The following XDH variants were observed in gnomAD, a reference collection of about 807,000 sequenced individuals.
XDH encodes the protein xanthine dehydrogenase, also known as xanthine dehydrogenase/oxidase.
Under a neutral mutation model 156.1 loss-of-function variants are expected in XDH, and 138 were observed. The observed-to-expected ratio is 0.88, with a 90% CI of 0.77 to 1.02. XDH has a LOEUF of 1.02. Among genes scored for constraint, XDH ranks in the 50% least tolerant of loss-of-function variants. The probability of loss-of-function intolerance (pLI) is 0.00; values close to 1 mark genes in which losing one functional copy is unlikely to be tolerated. For synonymous variants in XDH, 669 were observed against 625.7 expected (o/e 1.07, Z -1.03); for missense variants, 1,849 against 1,684.9 (o/e 1.10, Z -1.71).
intron 20 of XDH, 69 bp from the exon 21 acceptor site, chr2:31,367,063 G>C: frequency 5.0e-6 from 8 of 1,612,410 alleles, no homozygotes; most frequent in Non-Finnish European, 5.1e-6. Flanking sequence ...CCTAAGGAGA[G>C]AGTATACTCT....
chr2:31,388,388 G>T, intron 6 of XDH, 93 bp from the exon 7 acceptor site: 3 of 1,395,388 alleles, frequency 2.1e-6, no homozygotes, highest in Non-Finnish European at 3.0e-6. Flanking sequence ...GAACACTCCA[G>T]CTCTGACGCC....
intron 24 of XDH, among the ~76,000 whole-genome samples, chr2:31,362,203 A>G (rs1333168558): frequency 6.6e-6 from 1 of 152,168 alleles, no homozygotes; most frequent in Non-Finnish European, 1.5e-5. Context: ...TGAAGGTGCT[A>G]TGTTCGAGGC....
chr2:31,408,036 T>C (rs1413968751), intron 1 of XDH, among the ~76,000 whole-genome samples: 2 of 152,256 alleles, frequency 1.3e-5, no homozygotes, highest in South Asian at 2.1e-4. Flanking sequence ...ATCACATCAG[T>C]TCCCTGCTCA....
intron 1 of XDH, 99 bp from the exon 2 acceptor site, chr2:31,406,063 G>C (rs570244929): frequency 2.2e-6 from 3 of 1,345,188 alleles, no homozygotes; most frequent in South Asian, 2.4e-5. Context: ...AATTTGTAGA[G>C]TTAGTAGGAA....
intron 6 of XDH, among the ~76,000 whole-genome samples, chr2:31,388,863 C>T (rs925347311): frequency 6.6e-6 from 1 of 152,226 alleles, no homozygotes; most frequent in Non-Finnish European, 1.5e-5. Flanking sequence ...CCCTTCACTC[C>T]TCACTGTGGG....
chr2:31,371,175 A>G (rs1686061185), intron 17 of XDH, among the ~76,000 whole-genome samples: 1 of 152,346 alleles, frequency 6.6e-6, no homozygotes, highest in Admixed American at 6.5e-5. Flanking sequence ...AACAGTCTCA[A>G]CTATGTACTC....
chr2:31,354,211 T>C (rs1685566357), intron 24 of XDH, among the ~76,000 whole-genome samples: 1 of 152,190 alleles, frequency 6.6e-6, no homozygotes, highest in African/African-American at 2.4e-5. Flanking sequence ...TTTCTACCTC[T>C]ACCTAGCAGT....
intron 33 of XDH, 75 bp downstream of exon 33, chr2:31,341,254 G>A (rs1685115752): frequency 7.3e-7 from 1 of 1,371,154 alleles, no homozygotes; most frequent in Admixed American, 2.0e-5. Context: ...ACATGTTGTG[G>A]CAGGTGGCCC....
In XDH at chr2:31,342,315, A is replaced by G. The variant is rs776820061; in HGVS notation, c.3405-18T>C. The G allele has an allele frequency of 6.2e-7, 1 of 1,602,344 alleles. No individual in the cohort carries two copies. The highest frequency in any genetic ancestry group is 1.1e-5 in the South Asian group (1 of 90,874). Reference sequence around the variant, plus strand: ...TGGGTGTTCTGGGAGAGGAAAGAGAAGGTACTGCACATGTATTAACATGAA... The same window carrying G: ...TGGGTGTTCTGGGAGAGGAAAGAGAGGGTACTGCACATGTATTAACATGAA... On this transcript the variant is annotated intron_variant, in intron 31 of 35. Coordinates refer to ENST00000379416, the MANE Select transcript of XDH (RefSeq NM_000379.4).
intron 25 of XDH, 100 bp downstream of exon 25, chr2:31,349,932 C>A (rs966886757): frequency 1.9e-6 from 3 of 1,611,366 alleles, no homozygotes; most frequent in Non-Finnish European, 2.5e-6. Context: ...GCAGCCCCTG[C>A]CTGTCATCTG....
At chr2:31,406,229 G>A (rs1027537478) in intron 1 of XDH, among the ~76,000 whole-genome samples, 3 of 152,054 alleles carry the variant, frequency 2.0e-5, no homozygotes, top group African/African-American at 7.2e-5. Context: ...TAGTTGTCAC[G>A]AGATATTTAA....
At chr2:31,357,123 T>C (rs566953988) in intron 24 of XDH, among the ~76,000 whole-genome samples, 4 of 152,098 alleles carry the variant, frequency 2.6e-5, no homozygotes, top group Admixed American at 6.6e-5. Context: ...CAGCACTAAA[T>C]TGAATACATT....
chr2:31,383,670 G>A (rs575527958), intron 10 of XDH, 85 bp downstream of exon 10: 159 of 1,327,940 alleles, frequency 1.2e-4, no homozygotes, highest in Middle Eastern at 1.2e-3. Flanking sequence ...CCAGTGGGGA[G>A]ACCACCCTGA....
At chr2:31,383,996 G>GA in intron 9 of XDH, 149 bp from the exon 10 acceptor site, 1 of 766,922 alleles carries the variant, frequency 1.3e-6, no homozygotes. Flanking sequence ...CTGGGAATAG[G>GA]AAACTCAGTA....
In XDH at chr2:31,387,794, CCTGAGGCATCACCTA is replaced by C. The variant is rs1686649671; in HGVS notation, c.651+2_651+16del. 2.5e-6 allele frequency: 4 copies of C among 1,568,686 alleles called. No individual in the cohort carries two copies. On this transcript the variant is annotated splice_donor_variant and splice_donor_5th_base_variant and intron_variant, in intron 8 of 35. Transcript: ENST00000379416. LOFTEE classifies it high-confidence loss of function. ...CAGTACAGACCCGGCTGGATCTGTC[CCTGAGGCATCACCTA>C]CCAGCAACTCTGGGGGAAAAATGGG...
At chr2:31,350,684 G>A (rs1010179152) in intron 24 of XDH, among the ~76,000 whole-genome samples, 1 of 152,104 alleles carries the variant, frequency 6.6e-6, no homozygotes, top group African/African-American at 2.4e-5. Flanking sequence ...CATCTTTACT[G>A]CACCTTATCC....
At chr2:31,387,962 A>C in intron 7 of XDH, 65 bp from the exon 8 acceptor site, 1 of 1,508,760 alleles carries the variant, frequency 6.6e-7, no homozygotes, top group South Asian at 1.2e-5. Flanking sequence ...AAGAGGACCA[A>C]TTCAGCCTTT....
In XDH at chr2:31,387,951, C is replaced by T. The variant is rs138790720; in HGVS notation, c.565-54G>A. The T allele has an allele frequency of 2.0e-4, 302 of 1,524,138 alleles. 2 individuals carry two copies. The African/African-American group carries it at 3.9e-3, about 20-fold the overall frequency. The allele number at this position is 1,524,138 out of a possible 1,614,324, so 94.4% of individuals were successfully genotyped here. A position where few individuals can be genotyped will look rare whatever the true frequency, so the allele number is the denominator to read the frequency against. ...GCAGTATCTCCTCCTTTCAAACACC[C>T]AAGAGGACCAATTCAGCCTTTCCTT... is the stretch of plus-strand genomic sequence containing the variant. On this transcript the variant is annotated intron_variant, in intron 7 of 35. Coordinates refer to ENST00000379416, the MANE Select transcript of XDH (RefSeq NM_000379.4).
At position 31,383,051 on chromosome 2, in the gene XDH, C is replaced by T. The variant is rs1686479998; in HGVS notation, c.988G>A (p.Val330Ile). 1.9e-6 allele frequency: 3 copies of T among 1,614,192 alleles called. No homozygotes were observed. Among genetic ancestry groups the T allele is most frequent in the Non-Finnish European group, 2.5e-6 (3 of 1,180,028 alleles). The change falls in exon 11 of 36, where the codon GTC becomes ATC. Residue 330 changes from valine (V) to isoleucine (I), a missense_variant. By Grantham distance (29) the Val-to-Ile change is conservative (BLOSUM62 3). Transcript: ENST00000379416. ...PAQKTEVFRGVLEQLRWFAGK... is the reference protein window; with the variant it reads ...PAQKTEVFRGILEQLRWFAGK... ...GCAAACCAGCGCAGCTGCTCCAGGA[C>T]CCCTCTGAACACCTCTGTCTTTTGG...
Sources: allele counts gnomAD v4.1 joint callset (sites outside exome capture counted in the v4.1 genomes callset), GRCh38; gene constraint gnomAD v4.1.1; transcripts MANE v1.5; gene names NCBI Gene and HGNC (gene_info 2026-07-23, HGNC 2026-07-21).